The following KCNK3 variants were observed in gnomAD, a reference collection of about 807,000 sequenced individuals.
KCNK3 encodes the protein potassium channel subfamily K member 3.
Under a neutral mutation model 27.3 loss-of-function variants are expected in KCNK3, and 9 were observed. The ratio of observed to expected loss-of-function variants is 0.33; its 90% confidence interval spans 0.20 to 0.57. The LOEUF (loss-of-function observed/expected upper bound fraction) is 0.57, where lower values mean the gene tolerates loss of function less well. Among genes scored for constraint, KCNK3 ranks in the 20% least tolerant of loss-of-function variants. The pLI is 0.87. For synonymous variants in KCNK3, 278 were observed against 273.8 expected (o/e 1.02, Z -0.15); for missense variants, 391 against 577.7 (o/e 0.68, Z 3.31).
intron 1 of KCNK3, among the ~76,000 whole-genome samples, chr2:26,709,718 G>A (rs982920990): frequency 5.9e-5 from 9 of 152,136 alleles, no homozygotes; most frequent in East Asian, 3.9e-4. Context: ...AGGCCTTTCC[G>A]TAAATGCTTC....
chr2:26,694,087 T>C (rs546184317), intron 1 of KCNK3, among the ~76,000 whole-genome samples: 2 of 152,232 alleles, frequency 1.3e-5, no homozygotes, highest in Admixed American at 1.3e-4. Flanking sequence ...GAATAACACC[T>C]TACCTGTCCC....
intron 1 of KCNK3, among the ~76,000 whole-genome samples, chr2:26,705,267 G>A (rs1451645210): frequency 6.6e-6 from 1 of 152,180 alleles, no homozygotes; most frequent in African/African-American, 2.4e-5. Flanking sequence ...CCTGGAGACA[G>A]TATTATTATC....
chr2:26,699,209 G>GAAAGA (rs1670274708), intron 1 of KCNK3, among the ~76,000 whole-genome samples: 2 of 101,156 alleles, frequency 2.0e-5, no homozygotes, highest in Non-Finnish European at 4.2e-5. Flanking sequence ...GAAAGAGAGA[G>GAAAGA]AAAGAAAGAA....
intron 1 of KCNK3, among the ~76,000 whole-genome samples, chr2:26,714,187 T>C (rs1003427013): frequency 6.6e-6 from 1 of 152,064 alleles, no homozygotes; most frequent in Non-Finnish European, 1.5e-5. Flanking sequence ...TTATTTTACA[T>C]GCTGTCTTCT....
intron 1 of KCNK3, among the ~76,000 whole-genome samples, chr2:26,701,217 CTTGG>C (rs1670303908): frequency 2.0e-5 from 3 of 152,208 alleles, no homozygotes; most frequent in African/African-American, 7.2e-5. Context: ...TGGAAAAGAC[CTTGG>C]GAATCTGGTG....
chr2:26,727,366 G>A (rs780342697), intron 1 of KCNK3, among the ~76,000 whole-genome samples: 2 of 152,150 alleles, frequency 1.3e-5, no homozygotes, highest in Non-Finnish European at 2.9e-5. Context: ...AAACAGTCCC[G>A]TCATTGAGGT....
intron 1 of KCNK3, among the ~76,000 whole-genome samples, chr2:26,722,425 G>A (rs7584568): frequency 0.4 from 60,957 of 152,148 alleles, 14,613 homozygotes; most frequent in Non-Finnish European, 0.53. Context: ...AGCATGTTAA[G>A]TCTATGAACT....
In KCNK3 at chr2:26,731,126, C is replaced by G. The variant is rs1335572034; in HGVS notation, c.*2558C>G. The stretch of plus-strand genomic sequence containing the variant: ...CCAAAGGTCGTGGCTGCCACAGCCT[C>G]CCTCAGCTCTTCCTGCCTATCTGTC... On this transcript the variant is annotated 3_prime_UTR_variant, in exon 2 of 2. Coordinates refer to ENST00000302909, the MANE Select transcript of KCNK3 (RefSeq NM_002246.3). 6.6e-6 allele frequency: 1 copy of G among 152,352 alleles called. No individual in the cohort carries two copies. Among genetic ancestry groups the G allele is most frequent in the African/African-American group, 2.4e-5 (1 of 41,450 alleles). 9.4% of individuals were successfully genotyped at this position (152,352 alleles called of 1,614,324 possible).
In KCNK3 at chr2:26,693,429, G is replaced by A. The variant is rs879810187; in HGVS notation, c.283+271G>A. Among the ~76,000 whole-genome samples the A allele has an allele frequency of 2.0e-5, 3 of 152,226 alleles. No individual in the cohort carries two copies. Among genetic ancestry groups the A allele is most frequent in the Non-Finnish European group, 4.4e-5 (3 of 68,022 alleles). On this transcript the variant is annotated intron_variant, in intron 1 of 1. Coordinates refer to ENST00000302909, the MANE Select transcript of KCNK3 (RefSeq NM_002246.3). This position sits in a 1 kb window ranked among gnomAD's most constrained non-coding sequence, Gnocchi z 5.5. ...TGTTGCATAGGCCCCCAGGGACTCC[G>A]AAGTGTGTGAGAGGGGCAGGGACGA...
chr2:26,698,779 C>T (rs1670266538), intron 1 of KCNK3, among the ~76,000 whole-genome samples: 1 of 152,120 alleles, frequency 6.6e-6, no homozygotes, highest in South Asian at 2.1e-4. Flanking sequence ...ACTGTCCAGG[C>T]TCCTGCTCCT....
At chr2:26,711,141 A>C (rs1663103563) in intron 1 of KCNK3, among the ~76,000 whole-genome samples, 1 of 152,236 alleles carries the variant, frequency 6.6e-6, no homozygotes, top group Admixed American at 6.5e-5. Flanking sequence ...GGCTGGCAGC[A>C]GAAGACCCCT....
At chr2:26,725,008 G>T (rs1663388649) in intron 1 of KCNK3, among the ~76,000 whole-genome samples, 1 of 152,136 alleles carries the variant, frequency 6.6e-6, no homozygotes, top group Admixed American at 6.5e-5. Flanking sequence ...TGGGCGCTTT[G>T]TGAGCACAGT....
Position 26,730,516 on chromosome 2 carries a change from T to G in KCNK3, c.*1948T>G, listed in dbSNP as rs1019391098. 14 of 152,366 alleles carry G rather than the reference T, an allele frequency of 9.2e-5. No homozygotes were observed. Among genetic ancestry groups the G allele is most frequent in the African/African-American group, 2.4e-4 (10 of 41,452 alleles). 9.4% of individuals were successfully genotyped at this position (152,366 alleles called of 1,614,324 possible). On this transcript the variant is annotated 3_prime_UTR_variant, in exon 2 of 2. Coordinates refer to ENST00000302909, the MANE Select transcript of KCNK3 (RefSeq NM_002246.3). Reference sequence around the variant, plus strand: ...TGAGGGGCCTCTCCTCCCGCAACACTGCCTTCCCATGCTGTTCCCCTGCCA... The same window carrying G: ...TGAGGGGCCTCTCCTCCCGCAACACGGCCTTCCCATGCTGTTCCCCTGCCA...
intron 1 of KCNK3, among the ~76,000 whole-genome samples, chr2:26,694,085 C>G (rs1044061702): frequency 3.9e-5 from 6 of 152,156 alleles, no homozygotes; most frequent in African/African-American, 1.4e-4. Flanking sequence ...GGGAATAACA[C>G]CTTACCTGTC....
chr2:26,730,130 T>C lies in KCNK3; in HGVS notation c.*1562T>C, dbSNP rs11126678. The stretch of plus-strand genomic sequence containing the variant: ...CGCATGCTTACAAACAGTGCAGTTC[T>C]TGGGACCGAGGTAAGCAGGGCTGGG... On this transcript the variant is annotated 3_prime_UTR_variant, in exon 2 of 2. Transcript: ENST00000302909. The C allele has an allele frequency of 0.18, 27,688 of 152,212 alleles. 2,887 individuals are homozygous for C. Among genetic ancestry groups the C allele is most frequent in the East Asian group, 0.26 (1,335 of 5,132 alleles). 9.4% of individuals were successfully genotyped at this position (152,212 alleles called of 1,614,324 possible). A position where few individuals can be genotyped will look rare whatever the true frequency, so the allele number is the denominator to read the frequency against.
chr2:26,724,502 A>G (rs1275920), intron 1 of KCNK3: 708,069 of 708,656 alleles, frequency 1, 353,745 homozygotes, highest in East Asian at 1. Flanking sequence ...TATGAAGATA[A>G]TCATAATAGT....
intron 1 of KCNK3, among the ~76,000 whole-genome samples, chr2:26,725,147 C>T (rs1285018874): frequency 6.6e-6 from 1 of 151,966 alleles, no homozygotes; most frequent in African/African-American, 2.4e-5. Context: ...GGGTGAGGGC[C>T]CCTGATGGTG....
At chr2:26,718,494 A>G (rs1478935998) in intron 1 of KCNK3, among the ~76,000 whole-genome samples, 2 of 152,250 alleles carry the variant, frequency 1.3e-5, no homozygotes, top group African/African-American at 4.8e-5. Context: ...TGAAGAATTT[A>G]TAAGAGGAAA....
chr2:26,702,848 G>A (rs1056998560), intron 1 of KCNK3, among the ~76,000 whole-genome samples: 2 of 152,106 alleles, frequency 1.3e-5, no homozygotes, highest in African/African-American at 2.4e-5. Context: ...GGGCGTGGTG[G>A]CTCATGTCTG....
Sources: allele counts gnomAD v4.1 joint callset (sites outside exome capture counted in the v4.1 genomes callset), GRCh38; gene constraint gnomAD v4.1.1; non-coding constraint Gnocchi (gnomAD v3.1); transcripts MANE v1.5; gene names NCBI Gene and HGNC (gene_info 2026-07-23, HGNC 2026-07-21).